The following ASTN1 variants were observed in gnomAD, a reference collection of about 807,000 sequenced individuals.
The protein encoded by ASTN1 is astrotactin 1, also known as astrotactin-1.
A neutral mutation model predicts 140.7 loss-of-function variants in ASTN1; 41 were observed. The ratio of observed to expected loss-of-function variants is 0.29; its 90% confidence interval spans 0.23 to 0.38. ASTN1 has a LOEUF of 0.38. Among genes scored for constraint, ASTN1 ranks in the 10% least tolerant of loss-of-function variants. The pLI, the probability that ASTN1 is intolerant of heterozygous loss-of-function variation, is 1.00. For synonymous variants in ASTN1, 640 were observed against 652.2 expected (o/e 0.98, Z 0.29); for missense variants, 1,479 against 1,678.8 (o/e 0.88, Z 2.08).
At chr1:177,099,009 C>T (rs558003425) in intron 1 of ASTN1, among the ~76,000 whole-genome samples, 15 of 152,210 alleles carry the variant, frequency 9.9e-5, no homozygotes, top group Non-Finnish European at 1.8e-4. Flanking sequence ...TCATGAGGCT[C>T]TGTCTCTTAA....
chr1:177,024,772 G>A (rs541109416), intron 5 of ASTN1, 40 bp from the exon 6 acceptor site: 6 of 1,595,648 alleles, frequency 3.8e-6, no homozygotes, highest in East Asian at 4.5e-5. Context: ...GTGGTAAAAA[G>A]CTTGGCATTG....
Position 177,152,530 on chromosome 1 carries a change from G to GA in ASTN1, c.283+11863dup, listed in dbSNP as rs545233053. Among the ~76,000 whole-genome samples the GA allele has an allele frequency of 6.1e-4, 87 of 142,322 alleles. 1 individual carries two copies. The highest frequency in any genetic ancestry group is 4.4e-3 in the South Asian group (20 of 4,570). The allele number at this position is 142,322 out of a possible 152,430, so 93.4% of individuals were successfully genotyped here. On this transcript the variant is annotated intron_variant, in intron 1 of 22. Transcript: ENST00000361833. ...CAAGAAATGTGCAAGAACTTTATGA[G>GA]AAAAAAAAAAACTTTAAAATTCTAC...
chr1:176,943,370 G>C (rs1327342506), intron 14 of ASTN1, among the ~76,000 whole-genome samples: 1 of 152,162 alleles, frequency 6.6e-6, no homozygotes, highest in East Asian at 1.9e-4. Context: ...CCCATCTTAT[G>C]ATGGGGGACC....
intron 1 of ASTN1, among the ~76,000 whole-genome samples, chr1:177,135,080 T>G (rs1682126031): frequency 6.6e-6 from 1 of 152,138 alleles, no homozygotes; most frequent in Non-Finnish European, 1.5e-5. Context: ...TTTTTCTACA[T>G]GCAGAGGGGC....
intron 1 of ASTN1, among the ~76,000 whole-genome samples, chr1:177,076,873 T>C (rs1271705187): frequency 6.6e-6 from 1 of 152,152 alleles, no homozygotes; most frequent in Non-Finnish European, 1.5e-5. Context: ...ATGAAGGGAC[T>C]TTGAGAAGTA....
intron 21 of ASTN1, among the ~76,000 whole-genome samples, chr1:176,872,646 T>C (rs1156999868): frequency 1.3e-5 from 2 of 152,108 alleles, no homozygotes; most frequent in Non-Finnish European, 2.9e-5. Context: ...CAGAGTACAG[T>C]GCCCTATTTT....
At chr1:176,866,129 C>T (rs1668121310) in intron 22 of ASTN1, among the ~76,000 whole-genome samples, 1 of 152,154 alleles carries the variant, frequency 6.6e-6, no homozygotes, top group Non-Finnish European at 1.5e-5. Context: ...ACATTCCTTT[C>T]ATTTCTCTTC....
chr1:176,961,229 T>G (rs945121666), intron 9 of ASTN1, among the ~76,000 whole-genome samples: 1 of 152,218 alleles, frequency 6.6e-6, no homozygotes, highest in Non-Finnish European at 1.5e-5. Flanking sequence ...TTATCCTCCA[T>G]GTAGAGCAGG....
chr1:176,934,200 T>C lies in ASTN1; in HGVS notation c.2623A>G (p.Lys875Glu). Reference sequence around the variant, plus strand: ...AGCCAGAGTCGCCGCTGGACCTGCTTGTTTGGGTACCAGATAGAACAGGAC... The same window carrying C: ...AGCCAGAGTCGCCGCTGGACCTGCTCGTTTGGGTACCAGATAGAACAGGAC... ...EESCSIWYPN[K>E]QVQRRLWLEY... is the part of the protein sequence containing the mutation. The change falls in exon 16 of 23, where the codon AAG (lysine) becomes GAG (glutamate). Residue 875 changes from lysine to glutamate, a missense_variant. This residue lies in a region of ASTN1 where 746 missense variants were observed against 800.9 expected (regional missense o/e 0.93). Coordinates refer to ENST00000361833, the MANE Select transcript of ASTN1 (RefSeq NM_004319.3). 1 of 1,613,804 alleles carries C rather than the reference T, an allele frequency of 6.2e-7. No homozygotes were observed. Among genetic ancestry groups the C allele is most frequent in the Non-Finnish European group, 8.5e-7 (1 of 1,179,734 alleles).
chr1:176,858,258 C>CA (rs1418179819), downstream of ASTN1, among the ~76,000 whole-genome samples: 1 of 152,136 alleles, frequency 6.6e-6, no homozygotes, highest in East Asian at 1.9e-4. Flanking sequence ...AGACATGAGC[C>CA]AAGTCCTGGA....
At chr1:177,162,785 A>G (rs72720740) in intron 1 of ASTN1, among the ~76,000 whole-genome samples, 2,211 of 152,312 alleles carry the variant, frequency 0.015, 24 homozygotes, top group South Asian at 0.037. Context: ...CATGACTTCA[A>G]CGTGAACTTT....
At chr1:177,026,345 C>T (rs562136873) in intron 5 of ASTN1, among the ~76,000 whole-genome samples, 1 of 152,342 alleles carries the variant, frequency 6.6e-6, no homozygotes, top group East Asian at 1.9e-4. Flanking sequence ...CTCTCACCAC[C>T]TTCTCTCAAA....
intron 8 of ASTN1, among the ~76,000 whole-genome samples, chr1:176,984,493 T>C (rs1473271535): frequency 6.6e-6 from 1 of 152,140 alleles, no homozygotes; most frequent in Non-Finnish European, 1.5e-5. Context: ...GCTGTTGAGA[T>C]GACTACAGCC....
chr1:176,943,442 A>G (rs900676209), intron 14 of ASTN1, among the ~76,000 whole-genome samples: 2 of 152,128 alleles, frequency 1.3e-5, no homozygotes, highest in Non-Finnish European at 2.9e-5. Flanking sequence ...AGAGATGCAA[A>G]CCCAGGGTCA....
chr1:177,117,327 A>T (rs1571808489), intron 1 of ASTN1, among the ~76,000 whole-genome samples: 1 of 152,120 alleles, frequency 6.6e-6, no homozygotes, highest in East Asian at 1.9e-4. Flanking sequence ...CAGCTACTGG[A>T]ATCATTTGCT....
chr1:177,111,212 T>G (rs1680809522), intron 1 of ASTN1, among the ~76,000 whole-genome samples: 1 of 152,220 alleles, frequency 6.6e-6, no homozygotes, highest in Admixed American at 6.5e-5. Context: ...GATTTTACAA[T>G]GGAGAAACTG....
intron 8 of ASTN1, among the ~76,000 whole-genome samples, chr1:176,972,366 C>T (rs891523890): frequency 1.3e-5 from 2 of 152,160 alleles, no homozygotes; most frequent in Non-Finnish European, 2.9e-5. Flanking sequence ...TGGCCAGCTG[C>T]AGTCATTTGT....
In ASTN1 at chr1:176,892,460, C is replaced by A. The variant is rs369411054; in HGVS notation, c.2940+2102G>T. On this transcript the variant is annotated intron_variant, in intron 17 of 22. Coordinates refer to ENST00000361833, the MANE Select transcript of ASTN1 (RefSeq NM_004319.3). ...TGATGAGGAAATTCTAGGAAGTGGC[C>A]CTAGTCTCCAGTTCAGGCAACTTAG... is the stretch of plus-strand genomic sequence containing the variant. Among the ~76,000 whole-genome samples, 27 of 152,052 alleles carry A rather than the reference C, an allele frequency of 1.8e-4. No individual in the cohort carries two copies. The South Asian group carries it at 5.0e-3, about 28-fold the overall frequency.
In ASTN1 at chr1:176,863,379, G is replaced by A. The variant is rs1439262223; in HGVS notation, c.*905C>T. 3 of 985,744 alleles carry A rather than the reference G, an allele frequency of 3.0e-6. No individual in the cohort carries two copies. Among genetic ancestry groups the A allele is most frequent in the Non-Finnish European group, 3.6e-6 (3 of 829,952 alleles). The allele number at this position is 985,744 out of a possible 1,614,324, so 61.1% of individuals were successfully genotyped here. ...CCTGTCCAAGGTAAGAGGTGTGGGG[G>A]TTAAAGATAATCCAGGCACATGGAT... On this transcript the variant is annotated 3_prime_UTR_variant, in exon 23 of 23. Coordinates refer to ENST00000361833, the MANE Select transcript of ASTN1 (RefSeq NM_004319.3).
Sources: allele counts gnomAD v4.1 joint callset (sites outside exome capture counted in the v4.1 genomes callset), GRCh38; gene constraint gnomAD v4.1.1; regional missense constraint gnomAD v4.1.1; transcripts MANE v1.5; gene names NCBI Gene and HGNC (gene_info 2026-07-23, HGNC 2026-07-21).